The following CYP4F2 variants were observed in gnomAD, a reference collection of about 807,000 sequenced individuals.
CYP4F2 encodes the protein cytochrome P450 4F2.
A neutral mutation model predicts 58.9 loss-of-function variants in CYP4F2; 58 were observed. That is an observed-to-expected ratio of 0.98 (90% CI 0.80 to 1.23). The LOEUF (loss-of-function observed/expected upper bound fraction) is 1.23, where lower values mean the gene tolerates loss of function less well. Among genes scored for constraint, CYP4F2 ranks in the 50% most tolerant of loss-of-function variants. CYP4F2 has a pLI of 0.00. For missense variants in CYP4F2, 616 were observed against 685.6 expected, an observed-to-expected ratio of 0.90 and a Z score of 1.13; for synonymous variants, 287 against 261.1, an observed-to-expected ratio of 1.10 and a Z score of -0.95.
intron 3 of CYP4F2, among the ~76,000 whole-genome samples, chr19:15,893,169 T>G (rs1379320049): frequency 6.6e-6 from 1 of 152,136 alleles, no homozygotes; most frequent in African/African-American, 2.4e-5. Flanking sequence ...GTCACAGACA[T>G]AGCCAACATG....
rs1247901817 is a variant in CYP4F2, at chr19:15,892,231, C to T, written c.525+78G>A. 6 of 1,592,290 alleles carry T rather than the reference C, an allele frequency of 3.8e-6. No homozygotes were observed. The South Asian group carries it at 6.8e-5, about 18-fold the overall frequency. On this transcript the variant is annotated intron_variant, in intron 5 of 12. Coordinates refer to ENST00000221700, the MANE Select transcript of CYP4F2 (RefSeq NM_001082.5). ...AATGGCCCAATGGCACCCAGCAGAGCCAAAACTCCAGACTAGATCTCTCTG... is the reference window on the plus strand; with the variant it reads ...AATGGCCCAATGGCACCCAGCAGAGTCAAAACTCCAGACTAGATCTCTCTG...
chr19:15,886,117 C>T (rs2089377678), intron 8 of CYP4F2, 64 bp from the exon 9 acceptor site: 3 of 1,605,330 alleles, frequency 1.9e-6, no homozygotes, highest in Non-Finnish European at 2.6e-6. Context: ...TAGACAGCAC[C>T]CATGCATTGA....
rs573380307 is a variant in CYP4F2 at position 15,879,439 on chromosome 19, G to C, written c.1315-11C>G. On this transcript the variant is annotated splice_polypyrimidine_tract_variant and intron_variant, in intron 11 of 12. Transcript: ENST00000221700. The stretch of plus-strand genomic sequence containing the variant: ...AAAGGGGTCGTAGACCTGGAGGTGA[G>C]ACCAAGAAGGGTTGTTGGGTGGGGT... 6.2e-7 allele frequency: 1 copy of C among 1,614,080 alleles called. No individual in the cohort carries two copies. Among genetic ancestry groups the C allele is most frequent in the South Asian group, 1.1e-5 (1 of 91,078 alleles).
At chr19:15,892,476 C>T (rs749206959) in intron 4 of CYP4F2, 40 bp from the exon 5 acceptor site, 2 of 1,614,088 alleles carry the variant, frequency 1.2e-6, no homozygotes, top group Non-Finnish European at 1.7e-6. Flanking sequence ...GGACCTCTCC[C>T]TCCCCTGGCC....
At chr19:15,889,947 C>G (rs1052193604) in intron 6 of CYP4F2, among the ~76,000 whole-genome samples, 1 of 152,180 alleles carries the variant, frequency 6.6e-6, no homozygotes, top group Non-Finnish European at 1.5e-5. Flanking sequence ...TTCTCCTATT[C>G]TCTCTTTCCC....
rs3093204 is a variant in CYP4F2 at position 15,878,357 on chromosome 19, C to T, written c.*414G>A. The stretch of plus-strand genomic sequence containing the variant: ...TCCGCTATGCATCTCTTCAGATTGG[C>T]CTGTTCTGGAAATTTCGTATAAAAG... On this transcript the variant is annotated 3_prime_UTR_variant, in exon 13 of 13. Transcript: ENST00000221700. The T allele has an allele frequency of 0.078, 12,938 of 164,900 alleles. 645 individuals are homozygous for T. The highest frequency in any genetic ancestry group is 0.15 in the African/African-American group (6,223 of 41,768). The allele number at this position is 164,900 out of a possible 1,614,324, so 10.2% of individuals were successfully genotyped here.
Position 15,889,341 on chromosome 19 carries a change from T to C in CYP4F2, c.918+82A>G, listed in dbSNP as rs1235015338. 5 of 1,608,788 alleles carry C rather than the reference T, an allele frequency of 3.1e-6. No homozygotes were observed. In the East Asian group the frequency reaches 1.1e-4, roughly 36 times the overall value. On this transcript the variant is annotated intron_variant, in intron 7 of 12. Coordinates refer to ENST00000221700, the MANE Select transcript of CYP4F2 (RefSeq NM_001082.5). ...CTTCCATGGCTCCCTAGTGCCCTCT[T>C]AATCAAGTTCAAATCCTTTCATCTG...
At chr19:15,881,564 T>C (rs1426145184) in intron 9 of CYP4F2, among the ~76,000 whole-genome samples, 1 of 143,036 alleles carries the variant, frequency 7.0e-6, no homozygotes, top group Non-Finnish European at 1.5e-5. Context: ...AGATAGATGA[T>C]GGATAGATAG....
At chr19:15,882,776 C>A (rs932240010) in intron 9 of CYP4F2, among the ~76,000 whole-genome samples, 3 of 152,106 alleles carry the variant, frequency 2.0e-5, no homozygotes, top group African/African-American at 7.2e-5. Flanking sequence ...AAAAATAGAT[C>A]TCAGAGATAA....
At chr19:15,880,416 G>A (rs918907907) in intron 9 of CYP4F2, among the ~76,000 whole-genome samples, 9 of 152,026 alleles carry the variant, frequency 5.9e-5, no homozygotes, top group African/African-American at 1.9e-4. Flanking sequence ...ATCACAACAT[G>A]AGGAGATCGA....
Position 15,892,417 on chromosome 19 carries a change from A to G in CYP4F2, c.417T>C (p.Ser139=). The change falls in exon 5 of 13, where the codon AGT becomes AGC. Residue 139 remains serine (S), a synonymous_variant. Coordinates refer to ENST00000221700, the MANE Select transcript of CYP4F2 (RefSeq NM_001082.5). The part of the protein sequence containing the change: ...EPWLGDGLLL[S]AGDKWSRHRR... ...GGTGGCGGCTCCACTTGTCACCAGCACTCAGCAGGAGCCCATCCCCTAGCA... is the reference window on the plus strand; with the variant it reads ...GGTGGCGGCTCCACTTGTCACCAGCGCTCAGCAGGAGCCCATCCCCTAGCA... 1.9e-6 allele frequency: 3 copies of G among 1,614,182 alleles called. No individual in the cohort carries two copies. Among genetic ancestry groups the G allele is most frequent in the Non-Finnish European group, 2.5e-6 (3 of 1,180,036 alleles).
At chr19:15,892,242 G>C in intron 5 of CYP4F2, 67 bp downstream of exon 5, 2 of 1,605,814 alleles carry the variant, frequency 1.2e-6, no homozygotes, top group Admixed American at 1.7e-5. Context: ...CAAAACTCCA[G>C]ACTAGATCTC....
chr19:15,895,799 T>C (rs774270184), intron 2 of CYP4F2, 149 bp from the exon 3 acceptor site: 4 of 956,198 alleles, frequency 4.2e-6, no homozygotes, highest in Non-Finnish European at 5.9e-6. Flanking sequence ...TTTCTATCTA[T>C]ATATCTATCT....
chr19:15,888,809 G>A (rs1599353176), intron 7 of CYP4F2, among the ~76,000 whole-genome samples: 1 of 152,248 alleles, frequency 6.6e-6, no homozygotes, highest in East Asian at 1.9e-4. Context: ...CGAAGACATA[G>A]TCATAGACAC....
rs1388353329 is a variant in CYP4F2 at position 15,878,871 on chromosome 19, C to T, written c.1463G>A (p.Arg488His). Residue 488 changes from arginine to histidine, a missense_variant, in exon 13 of 13, where the codon CGC (arginine) becomes CAC (histidine). Physicochemically the swap from Arg to His is conservative, Grantham distance 29. Coordinates refer to ENST00000221700, the MANE Select transcript of CYP4F2 (RefSeq NM_001082.5). The part of the protein sequence containing the change: ...MKVVLALTLL[R>H]FRVLPDHTEP... ...GGTGTGGTCAGGCAGGACGCGGAAG[C>T]GCAGCAGCGTGAGCGCCAGGACCAC... is the stretch of plus-strand genomic sequence containing the variant. 3 of 1,614,024 alleles carry T rather than the reference C, an allele frequency of 1.9e-6. No individual in the cohort carries two copies. Among genetic ancestry groups the T allele is most frequent in the East Asian group, 2.2e-5 (1 of 44,848 alleles).
rs747016395 is a variant in CYP4F2, at chr19:15,878,797, A to G, written c.1537T>C (p.Trp513Arg). The G allele has an allele frequency of 2.5e-6, 4 of 1,613,676 alleles. No individual in the cohort carries two copies. In the Admixed American group the frequency reaches 6.7e-5, roughly 27 times the overall value. Residue 513 changes from tryptophan (W) to arginine (R), a missense_variant, in exon 13 of 13, where the codon TGG (tryptophan) becomes CGG (arginine). Transcript: ENST00000221700. ...ELVLRAEGGL[W>R]LRVEPLS Reference sequence around the variant, plus strand: ...CAGCTCAGGGGCTCCACCCGCAGCCAAAGTCCGCCCTCTGCGCGCAGGACC... The same window carrying G: ...CAGCTCAGGGGCTCCACCCGCAGCCGAAGTCCGCCCTCTGCGCGCAGGACC...
intron 9 of CYP4F2, among the ~76,000 whole-genome samples, chr19:15,881,490 C>A (rs2089344317): frequency 1.3e-5 from 2 of 151,398 alleles, no homozygotes; most frequent in South Asian, 4.2e-4. Flanking sequence ...CAGATACATA[C>A]ATAGATGATA....
At position 15,895,511 on chromosome 19, in the gene CYP4F2, G is replaced by A. The variant is rs770671280; in HGVS notation, c.338C>T (p.Ala113Val). 1 of 1,518,258 alleles carries A rather than the reference G, an allele frequency of 6.6e-7. No individual in the cohort carries two copies. The highest frequency in any genetic ancestry group is 2.6e-5 in the East Asian group (1 of 38,650). The allele number at this position is 1,518,258 out of a possible 1,614,324, so 94.0% of individuals were successfully genotyped here. Residue 113 changes from alanine (A) to valine (V), a missense_variant, in exon 3 of 13, where the codon GCC (alanine) becomes GTC (valine). Ala to Val is a moderately conservative substitution (Grantham distance 64). Coordinates refer to ENST00000221700, the MANE Select transcript of CYP4F2 (RefSeq NM_001082.5). ...HPDIIRSVIN[A>V]SAAIAPKDKF... ...CCAGCTGTTCCAGATGGTACCTGAG[G>A]CGTTGATGACAGACCGGATGATGTC...
Position 15,878,466 on chromosome 19 carries a change from T to A in CYP4F2, c.*305A>T. ...AGGTTCATCCACAGTGTAGTAGGGA[T>A]CACTGCTTCATTCCTTTTTATGGCT... is the stretch of plus-strand genomic sequence containing the variant. On this transcript the variant is annotated 3_prime_UTR_variant, in exon 13 of 13. Transcript: ENST00000221700. 2.2e-6 allele frequency: 1 copy of A among 447,188 alleles called. No individual in the cohort carries two copies. The highest frequency in any genetic ancestry group is 4.0e-6 in the Non-Finnish European group (1 of 251,210). The allele number at this position is 447,188 out of a possible 1,614,324, so 27.7% of individuals were successfully genotyped here.
Sources: gnomAD v4.1 joint callset for allele counts (sites outside exome capture counted in the v4.1 genomes callset) on GRCh38, gnomAD v4.1.1 for gene constraint, MANE v1.5 for transcripts, NCBI Gene and HGNC (gene_info 2026-07-23, HGNC 2026-07-21) for gene names.